HS3ST4: variants seen among roughly 807,000 people sequenced by gnomAD.
The protein encoded by HS3ST4 is heparan sulfate-glucosamine 3-sulfotransferase 4.
In HS3ST4, 17 loss-of-function variants were observed where a neutral mutation model predicts 29.2. The ratio of observed to expected loss-of-function variants is 0.58; its 90% CI spans 0.40 to 0.87. The LOEUF is 0.87. Ranked by LOEUF, HS3ST4 falls within the 40% of genes least tolerant of loss-of-function variation. The probability of loss-of-function intolerance (pLI) is 0.00; values close to 1 mark genes in which losing one functional copy is unlikely to be tolerated. For synonymous variants in HS3ST4, 314 were observed against 285.7 expected (o/e 1.10, Z -1.00); for missense variants, 627 against 634.5 (o/e 0.99, Z 0.13).
At chr16:25,717,536 T>C (rs1966463607) in intron 1 of HS3ST4, among the ~76,000 whole-genome samples, 1 of 150,830 alleles carries the variant, frequency 6.6e-6, no homozygotes. Context: ...TGTGTGTGTG[T>C]GTGTGTGTGT....
At chr16:26,050,639 A>C (rs1446187051) in intron 1 of HS3ST4, among the ~76,000 whole-genome samples, 1 of 152,056 alleles carries the variant, frequency 6.6e-6, no homozygotes, top group Non-Finnish European at 1.5e-5. Context: ...CTTCCGCACC[A>C]CTCACTAACC....
At chr16:26,073,357 CTTTTCT>C (rs1419248234) in intron 1 of HS3ST4, among the ~76,000 whole-genome samples, 1 of 66,790 alleles carries the variant, frequency 1.5e-5, no homozygotes, top group Non-Finnish European at 3.4e-5. Flanking sequence ...GAGTTCAGAT[CTTTTCT>C]TTTCTTTTCT....
At chr16:25,804,730 C>T (rs1362109996) in intron 1 of HS3ST4, among the ~76,000 whole-genome samples, 2 of 151,998 alleles carry the variant, frequency 1.3e-5, no homozygotes, top group African/African-American at 2.4e-5. Context: ...TATTTGCCCC[C>T]CAAAACCGCA....
intron 1 of HS3ST4, among the ~76,000 whole-genome samples, chr16:26,123,656 C>G (rs546767630): frequency 6.6e-6 from 1 of 152,112 alleles, no homozygotes; most frequent in South Asian, 2.1e-4. Context: ...GTCTTTTATC[C>G]CTCACTCCCC....
intron 1 of HS3ST4, among the ~76,000 whole-genome samples, chr16:25,831,460 A>T (rs1397212377): frequency 6.6e-6 from 1 of 150,884 alleles, no homozygotes; most frequent in East Asian, 2.0e-4. Context: ...ACGTGGTCAC[A>T]TTCACATGTA....
intron 1 of HS3ST4, among the ~76,000 whole-genome samples, chr16:25,771,208 C>T (rs956002525): frequency 3.9e-5 from 6 of 152,066 alleles, no homozygotes; most frequent in Non-Finnish European, 8.8e-5. Context: ...TCTCATTGTT[C>T]AACTCCTACT....
chr16:25,958,051 T>C (rs2141700425), intron 1 of HS3ST4, among the ~76,000 whole-genome samples: 1 of 152,286 alleles, frequency 6.6e-6, no homozygotes, highest in Non-Finnish European at 1.5e-5. Context: ...GCATACTTCT[T>C]TCCACTAGGA....
intron 1 of HS3ST4, among the ~76,000 whole-genome samples, chr16:25,885,342 A>G (rs1260327513): frequency 6.6e-6 from 1 of 152,178 alleles, no homozygotes; most frequent in African/African-American, 2.4e-5. Context: ...AAATGTGAAA[A>G]TTTGGTTTCG....
At chr16:26,101,422 C>A (rs971564058) in intron 1 of HS3ST4, among the ~76,000 whole-genome samples, 1 of 152,212 alleles carries the variant, frequency 6.6e-6, no homozygotes, top group Admixed American at 6.5e-5. Context: ...CTGGTCTATA[C>A]CACCACATTC....
chr16:25,852,361 G>C lies in HS3ST4; in HGVS notation c.734+159210G>C, dbSNP rs565604854. On this transcript the variant is annotated intron_variant, in intron 1 of 1. Transcript: ENST00000331351. ...CAGGATGTGCAGGTTTGTTACATAG[G>C]TCAACGTGTGCCATGGTGGTTTGCT... Among the ~76,000 whole-genome samples the C allele has an allele frequency of 1.1e-4, 16 of 152,098 alleles. No individual in the cohort carries two copies. In the East Asian group the frequency reaches 2.5e-3, roughly 24 times the overall value.
chr16:25,762,725 C>G (rs957247502), intron 1 of HS3ST4, among the ~76,000 whole-genome samples: 1 of 151,024 alleles, frequency 6.6e-6, no homozygotes, highest in African/African-American at 2.4e-5. Context: ...AACAAACAAA[C>G]AAACAAAAAA....
chr16:26,137,044 A>G lies in HS3ST4; in HGVS notation c.*796A>G, dbSNP rs1898293504. The G allele has an allele frequency of 6.6e-6, 1 of 152,082 alleles. No individual in the cohort carries two copies. The highest frequency in any genetic ancestry group is 6.6e-5 in the Admixed American group (1 of 15,262). 9.4% of individuals were successfully genotyped at this position (152,082 alleles called of 1,614,324 possible). A position where few individuals can be genotyped will look rare whatever the true frequency, so the allele number is the denominator to read the frequency against. On this transcript the variant is annotated 3_prime_UTR_variant, in exon 2 of 2. Coordinates refer to ENST00000331351, the MANE Select transcript of HS3ST4 (RefSeq NM_006040.3). Reference sequence around the variant, plus strand: ...GGATCAGGCCCACAGGGCTGCTCAAAGAGTAGAGTAATTGTAACCGAGGTC... The same window carrying G: ...GGATCAGGCCCACAGGGCTGCTCAAGGAGTAGAGTAATTGTAACCGAGGTC...
At chr16:26,083,728 G>C (rs2141784334) in intron 1 of HS3ST4, among the ~76,000 whole-genome samples, 1 of 150,766 alleles carries the variant, frequency 6.6e-6, no homozygotes, top group African/African-American at 2.4e-5. Flanking sequence ...CTAGTCCAGG[G>C]AAGAAAAAAA....
chr16:26,109,326 A>T (rs1248327343), intron 1 of HS3ST4, among the ~76,000 whole-genome samples: 1 of 152,076 alleles, frequency 6.6e-6, no homozygotes, highest in East Asian at 1.9e-4. Flanking sequence ...TATATCTTCC[A>T]CGCACACAAT....
intron 1 of HS3ST4, among the ~76,000 whole-genome samples, chr16:26,128,152 G>A (rs1400197712): frequency 6.6e-6 from 1 of 152,058 alleles, no homozygotes; most frequent in African/African-American, 2.4e-5. Flanking sequence ...ATGCAGCTGA[G>A]ATTTGACACT....
intron 1 of HS3ST4, among the ~76,000 whole-genome samples, chr16:25,917,793 T>C (rs1267877546): frequency 6.6e-6 from 1 of 152,230 alleles, no homozygotes; most frequent in Non-Finnish European, 1.5e-5. Flanking sequence ...AGACAGACTT[T>C]CTGTAATCTG....
At chr16:25,741,388 A>AAAAAAAAAAAAAAAAAT (rs1966651376) in intron 1 of HS3ST4, among the ~76,000 whole-genome samples, 1 of 150,336 alleles carries the variant, frequency 6.7e-6, no homozygotes, top group Non-Finnish European at 1.5e-5. Context: ...AAAAAAAAAA[A>AAAAAAAAAAAAAAAAAT]AAGGCGGGGG....
intron 1 of HS3ST4, among the ~76,000 whole-genome samples, chr16:26,129,224 C>A (rs934065942): frequency 1.3e-5 from 2 of 152,172 alleles, no homozygotes; most frequent in Non-Finnish European, 2.9e-5. Flanking sequence ...TCTGTAACTC[C>A]CAGTGGCAAG....
chr16:26,112,610 AAGAAG>A (rs768752964), intron 1 of HS3ST4, among the ~76,000 whole-genome samples: 1 of 152,096 alleles, frequency 6.6e-6, no homozygotes, highest in Non-Finnish European at 1.5e-5. Context: ...CACAAACTGG[AAGAAG>A]ATATTTGCAG....
Sources: allele counts gnomAD v4.1 joint callset (sites outside exome capture counted in the v4.1 genomes callset), GRCh38; gene constraint gnomAD v4.1.1; transcripts MANE v1.5; gene names NCBI Gene and HGNC (gene_info 2026-07-23, HGNC 2026-07-21).